ANO9: variants seen among roughly 807,000 people sequenced by gnomAD.
ANO9 encodes the protein anoctamin-9.
ANO9 carries 80 observed loss-of-function variants against 100.5 expected under a neutral mutation model. The observed-to-expected ratio is 0.80, with a 90% CI of 0.66 to 0.96. ANO9 has a LOEUF of 0.96. ANO9 is among the 40% of genes least tolerant of loss of function. The pLI is 0.00. For synonymous variants in ANO9, 473 were observed against 435.6 expected, an observed-to-expected ratio of 1.09 and a Z score of -1.07; for missense variants, 1,064 against 1,072.7, an observed-to-expected ratio of 0.99 and a Z score of 0.11.
chr11:432,159 G>T lies in ANO9; in HGVS notation c.351-105C>A. ...CAGGCCCAGGCCCCTCCCTGTCCTG[G>T]CAGAGCCCCCAGCCTGCCAGCCCTG... On this transcript the variant is annotated intron_variant, in intron 4 of 22. Transcript: ENST00000332826. The surrounding 1 kb of genome is among the most constrained non-coding windows in gnomAD (Gnocchi z 4.8). 7.8e-7 allele frequency: 1 copy of T among 1,289,104 alleles called. No homozygotes were observed. The highest frequency in any genetic ancestry group is 1.1e-6 in the Non-Finnish European group (1 of 918,746). 79.9% of individuals were successfully genotyped at this position (1,289,104 alleles called of 1,614,324 possible).
chr11:429,725 C>G, intron 10 of ANO9, 33 bp downstream of exon 10: 1 of 1,611,982 alleles, frequency 6.2e-7, no homozygotes, highest in Non-Finnish European at 8.5e-7. Context: ...GGCACTTCCC[C>G]TGGCCCCGCA....
intron 1 of ANO9, among the ~76,000 whole-genome samples, chr11:439,088 C>T (rs1845627266): frequency 6.6e-6 from 1 of 152,194 alleles, no homozygotes; most frequent in Admixed American, 6.5e-5. Flanking sequence ...GGTGTCCTCA[C>T]CCCAGCCCCC....
Position 433,854 on chromosome 11 carries a change from C to G in ANO9, c.165G>C (p.Gln55His). ...QRDPRQARQQ[Q>H]FLEELRRKGF... ...CCTTTCTCCTGAGCTCCTCCAGGAA[C>G]TGTTGCTGCCGCGCCTGCCGGGGGT... Residue 55 changes from glutamine to histidine, a missense_variant, in exon 3 of 23, where the codon CAG becomes CAC. Coordinates refer to ENST00000332826, the MANE Select transcript of ANO9 (RefSeq NM_001012302.3). The G allele has an allele frequency of 6.4e-7, 1 of 1,563,278 alleles. No homozygotes were observed. Among genetic ancestry groups the G allele is most frequent in the South Asian group, 1.2e-5 (1 of 85,034 alleles).
chr11:441,851 GCCGGGGGCC>G, intron 1 of ANO9, 61 bp downstream of exon 1: 1 of 1,566,294 alleles, frequency 6.4e-7, no homozygotes, highest in Non-Finnish European at 8.6e-7. Context: ...GGGGGCTGGG[GCCGGGGGCC>G]CCAGGTGTGG....
At chr11:434,604 C>A (rs945907981) in intron 1 of ANO9, among the ~76,000 whole-genome samples, 1 of 152,154 alleles carries the variant, frequency 6.6e-6, no homozygotes, top group African/African-American at 2.4e-5. Flanking sequence ...GAGGTGCAGA[C>A]GAGGGCACTC....
chr11:440,749 C>T (rs1439572494), intron 1 of ANO9: 1 of 152,332 alleles, frequency 6.6e-6, no homozygotes, highest in East Asian at 1.9e-4. Context: ...AGGCACGCGC[C>T]ACCACGCCCG....
In ANO9 at chr11:432,247, C is replaced by T; in HGVS notation, c.351-193G>A. Reference sequence around the variant, plus strand: ...CCCCGCACCCTCCTTAAAGTGCTCCCAGGGCCTGGCCTGCCCCACGGCGTC... The same window carrying T: ...CCCCGCACCCTCCTTAAAGTGCTCCTAGGGCCTGGCCTGCCCCACGGCGTC... On this transcript the variant is annotated intron_variant, in intron 4 of 22. Transcript: ENST00000332826. This position sits in a 1 kb window ranked among gnomAD's most constrained non-coding sequence, Gnocchi z 4.8. The T allele has an allele frequency of 1.6e-6, 1 of 610,494 alleles. No individual in the cohort carries two copies. The highest frequency in any genetic ancestry group is 1.9e-5 in the African/African-American group (1 of 53,960). 37.8% of individuals were successfully genotyped at this position (610,494 alleles called of 1,614,324 possible).
chr11:427,328 C>T lies in ANO9; in HGVS notation c.1334+760G>A, dbSNP rs951316252. Among the ~76,000 whole-genome samples, 34 of 151,894 alleles carry T rather than the reference C, an allele frequency of 2.2e-4. 1 individual carries two copies. Among genetic ancestry groups the T allele is most frequent in the African/African-American group, 2.4e-5 (1 of 41,310 alleles). On this transcript the variant is annotated intron_variant, in intron 15 of 22. Coordinates refer to ENST00000332826, the MANE Select transcript of ANO9 (RefSeq NM_001012302.3). ...TCATGCTACTGCACTCCAGCCTGGG[C>T]GACAGAGCGAGACTCCATCTCAAAA...
intron 15 of ANO9, among the ~76,000 whole-genome samples, chr11:426,997 T>C (rs1416929806): frequency 6.6e-6 from 1 of 152,032 alleles, no homozygotes; most frequent in African/African-American, 2.4e-5. Context: ...GAGACCAGGG[T>C]TCACCCGCAG....
At chr11:420,676 G>A (rs769392812) in intron 18 of ANO9, 42 bp downstream of exon 18, 1 of 1,598,534 alleles carries the variant, frequency 6.3e-7, no homozygotes, top group Non-Finnish European at 8.5e-7. Flanking sequence ...CCCCCGCCCC[G>A]CATTCGTCTC....
Position 421,747 on chromosome 11 carries a change from G to A in ANO9, c.1335-549C>T, listed in dbSNP as rs1440028045. 1.3e-5 allele frequency among the ~76,000 whole-genome samples: 2 copies of A among 152,202 alleles called. No individual in the cohort carries two copies. Among genetic ancestry groups the A allele is most frequent in the African/African-American group, 2.4e-5 (1 of 41,442 alleles). ...CGGTTTCTCCCCGTGGAAACGGCAC[G>A]ATGGGTTATTTTGTGTTTAAAATCA... is the stretch of plus-strand genomic sequence containing the variant. On this transcript the variant is annotated intron_variant, in intron 15 of 22. Transcript: ENST00000332826. The surrounding 1 kb of genome is among the most constrained non-coding windows in gnomAD (Gnocchi z 6.8).
intron 19 of ANO9, chr11:419,997 C>T (rs937557814): frequency 8.4e-5 from 115 of 1,364,942 alleles, no homozygotes; most frequent in Middle Eastern, 8.3e-4. Flanking sequence ...TGCCCCCCAG[C>T]CACTCCACCT....
intron 3 of ANO9, 46 bp downstream of exon 3, chr11:433,769 C>A (rs1457780736): frequency 1.3e-6 from 2 of 1,530,540 alleles, no homozygotes; most frequent in East Asian, 2.5e-5. Context: ...TCGCTGGACA[C>A]CCGCCCCGGC....
chr11:423,338 C>A (rs1488612757), intron 15 of ANO9, among the ~76,000 whole-genome samples: 1 of 152,074 alleles, frequency 6.6e-6, no homozygotes, highest in African/African-American at 2.4e-5. Context: ...AATATATAAG[C>A]AAAGAATGGA....
At chr11:418,643 G>A in intron 22 of ANO9, 54 bp from the exon 23 acceptor site, 1 of 1,610,954 alleles carries the variant, frequency 6.2e-7, no homozygotes, top group Non-Finnish European at 8.5e-7. Flanking sequence ...TGGCATTTGG[G>A]GGTTCAGGGC....
At chr11:428,972 C>T (rs377194735) in intron 11 of ANO9, 146 bp from the exon 12 acceptor site, 163 of 711,548 alleles carry the variant, frequency 2.3e-4, no homozygotes, top group South Asian at 2.2e-3. Flanking sequence ...GCACCCCACA[C>T]GTGGGGAGAC....
At chr11:428,248 C>G in intron 14 of ANO9, 49 bp from the exon 15 acceptor site, 1 of 1,607,778 alleles carries the variant, frequency 6.2e-7, no homozygotes, top group South Asian at 1.1e-5. Context: ...AGGAGAGGCC[C>G]TGGGGCAGCA....
chr11:430,439 G>C (rs759072792), intron 7 of ANO9, 36 bp from the exon 8 acceptor site: 1 of 1,547,630 alleles, frequency 6.5e-7, no homozygotes, highest in Non-Finnish European at 8.7e-7. Context: ...GCTGTCAGGG[G>C]GCGGTGGGGG....
chr11:441,108 G>C lies in ANO9; in HGVS notation c.6+813C>G, dbSNP rs569683039. Among the ~76,000 whole-genome samples the C allele has an allele frequency of 3.9e-5, 6 of 152,318 alleles. No homozygotes were observed. In the East Asian group the frequency reaches 1.2e-3, roughly 29 times the overall value. ...GTCAGACCTGGATGTGGAGGGCCGAGGAGAGCCCTGGGCGGAGATGGAGCA... is the reference window on the plus strand; with the variant it reads ...GTCAGACCTGGATGTGGAGGGCCGACGAGAGCCCTGGGCGGAGATGGAGCA... On this transcript the variant is annotated intron_variant, in intron 1 of 22. Transcript: ENST00000332826.
Sources: gnomAD v4.1 joint callset for allele counts (sites outside exome capture counted in the v4.1 genomes callset) on GRCh38, gnomAD v4.1.1 for gene constraint, Gnocchi (gnomAD v3.1) non-coding constraint, MANE v1.5 for transcripts, NCBI Gene and HGNC (gene_info 2026-07-23, HGNC 2026-07-21) for gene names.